Variants in BMP5 observed in about 807,000 individuals in gnomAD.
The protein encoded by BMP5 is bone morphogenetic protein 5.
BMP5 carries 23 observed loss-of-function variants against 46.6 expected under a neutral mutation model. That is an observed-to-expected ratio of 0.49 (90% CI 0.35 to 0.70). The LOEUF (loss-of-function observed/expected upper bound fraction) is 0.70, where lower values mean the gene tolerates loss of function less well. Ranked by LOEUF, BMP5 falls within the 30% of genes least tolerant of loss-of-function variation. BMP5 has a pLI of 0.00. For missense variants in BMP5, 545 were observed against 565.6 expected (o/e 0.96, Z 0.37); for synonymous variants, 204 against 191.9 (o/e 1.06, Z -0.52).
intron 1 of BMP5, among the ~76,000 whole-genome samples, chr6:55,871,080 TCTTAGAAATA>T (rs1273116956): frequency 1.3e-5 from 2 of 151,916 alleles, no homozygotes; most frequent in African/African-American, 2.4e-5. Flanking sequence ...AACTAAAAGA[TCTTAGAAATA>T]CACTACATGT....
At chr6:55,874,085 C>T (rs1777845209) in intron 1 of BMP5, among the ~76,000 whole-genome samples, 1 of 151,996 alleles carries the variant, frequency 6.6e-6, no homozygotes. Flanking sequence ...TCATAAATTT[C>T]CCTGTTTTTA....
In BMP5 at chr6:55,807,164, G is replaced by T. The variant is rs568631007; in HGVS notation, c.683+12491C>A. 1.9e-4 allele frequency among the ~76,000 whole-genome samples: 29 copies of T among 152,300 alleles called. No individual in the cohort carries two copies. The South Asian group carries it at 5.0e-3, about 26-fold the overall frequency. On this transcript the variant is annotated intron_variant, in intron 2 of 6. Coordinates refer to ENST00000370830, the MANE Select transcript of BMP5 (RefSeq NM_021073.4). ...TCTTGTGTCGGTTTTTAAAGGGAAT[G>T]CTTCCAGCTTTTGCCCATTCAGTAT...
At chr6:55,820,923 A>G (rs1340032811) in intron 1 of BMP5, among the ~76,000 whole-genome samples, 1 of 152,202 alleles carries the variant, frequency 6.6e-6, no homozygotes. Flanking sequence ...AATGCTGAAG[A>G]ATTTAGGACA....
At chr6:55,798,018 G>A (rs950543142) in intron 2 of BMP5, among the ~76,000 whole-genome samples, 1 of 152,074 alleles carries the variant, frequency 6.6e-6, no homozygotes, top group Non-Finnish European at 1.5e-5. Flanking sequence ...CAGCAGGGTC[G>A]GTTCTTTCTG....
At chr6:55,860,555 T>C (rs538844161) in intron 1 of BMP5, among the ~76,000 whole-genome samples, 5 of 152,256 alleles carry the variant, frequency 3.3e-5, no homozygotes, top group African/African-American at 9.6e-5. Context: ...AATTGGGCTA[T>C]TGGTAGATTG....
chr6:55,854,682 T>C (rs1255372761), intron 1 of BMP5, among the ~76,000 whole-genome samples: 1 of 152,112 alleles, frequency 6.6e-6, no homozygotes, highest in African/African-American at 2.4e-5. Flanking sequence ...TTCAGATTAG[T>C]TTCCTAATTT....
intron 2 of BMP5, among the ~76,000 whole-genome samples, chr6:55,807,104 A>G (rs1776009063): frequency 6.6e-6 from 1 of 152,098 alleles, no homozygotes; most frequent in Non-Finnish European, 1.5e-5. Flanking sequence ...TTCCAATACT[A>G]TGTTGAATAG....
chr6:55,808,879 G>A (rs992594446), intron 2 of BMP5, among the ~76,000 whole-genome samples: 1 of 152,082 alleles, frequency 6.6e-6, no homozygotes, highest in Non-Finnish European at 1.5e-5. Context: ...CTCAATGGGA[G>A]CCTCCTATCG....
At chr6:55,766,971 A>G (rs1774930364) in intron 4 of BMP5, among the ~76,000 whole-genome samples, 1 of 152,052 alleles carries the variant, frequency 6.6e-6, no homozygotes, top group Non-Finnish European at 1.5e-5. Context: ...CATGGCATAT[A>G]GTTATATAGC....
Position 55,866,882 on chromosome 6 carries a change from T to A in BMP5, c.490+7494A>T, listed in dbSNP as rs557661158. 5.9e-5 allele frequency among the ~76,000 whole-genome samples: 9 copies of A among 152,314 alleles called. No individual in the cohort carries two copies. In the Middle Eastern group the frequency reaches 0.01, roughly 173 times the overall value. On this transcript the variant is annotated intron_variant, in intron 1 of 6. Transcript: ENST00000370830. ...CTCCTGAAGTAATTATCTCTCACACTAAATTATTATTCTCTCTTGAATTTT... is the reference window on the plus strand; with the variant it reads ...CTCCTGAAGTAATTATCTCTCACACAAAATTATTATTCTCTCTTGAATTTT...
intron 2 of BMP5, among the ~76,000 whole-genome samples, chr6:55,818,261 T>A (rs1283997486): frequency 6.6e-6 from 1 of 151,460 alleles, no homozygotes; most frequent in African/African-American, 2.4e-5. Flanking sequence ...TTTTTTTTTT[T>A]AATCTTTTGG....
rs1775071456 is a variant in BMP5 at position 55,772,475 on chromosome 6, G to A, written c.1027+1574C>T. On this transcript the variant is annotated intron_variant, in intron 4 of 6. Coordinates refer to ENST00000370830, the MANE Select transcript of BMP5 (RefSeq NM_021073.4). ...TTTAGCAAAACTTTTTCTTAATACA[G>A]TCTGCTACATTAAATTAAAAACATT... 2.6e-5 allele frequency among the ~76,000 whole-genome samples: 4 copies of A among 151,864 alleles called. No homozygotes were observed. The East Asian group carries it at 7.8e-4, about 29-fold the overall frequency.
rs538145890 is a variant in BMP5, at chr6:55,863,824, T to C, written c.490+10552A>G. Reference sequence around the variant, plus strand: ...TACTTACCATGGTGTTACAATTTCCTACAGTTTTCAGTGCAGTAACATGCT... The same window carrying C: ...TACTTACCATGGTGTTACAATTTCCCACAGTTTTCAGTGCAGTAACATGCT... On this transcript the variant is annotated intron_variant, in intron 1 of 6. Transcript: ENST00000370830. 1.2e-4 allele frequency among the ~76,000 whole-genome samples: 18 copies of C among 152,290 alleles called. No homozygotes were observed. The East Asian group carries it at 3.5e-3, about 29-fold the overall frequency.
At chr6:55,808,136 C>A (rs1776036665) in intron 2 of BMP5, among the ~76,000 whole-genome samples, 1 of 152,188 alleles carries the variant, frequency 6.6e-6, no homozygotes, top group Non-Finnish European at 1.5e-5. Context: ...ACTAGGGGAT[C>A]AGGTCCAGGG....
intron 2 of BMP5, among the ~76,000 whole-genome samples, chr6:55,795,434 C>T (rs543366059): frequency 1.3e-5 from 2 of 152,062 alleles, no homozygotes; most frequent in East Asian, 3.9e-4. Flanking sequence ...TAGAGCTATT[C>T]ATTGTTTAAT....
intron 1 of BMP5, among the ~76,000 whole-genome samples, chr6:55,836,695 C>T (rs1228697884): frequency 6.6e-6 from 1 of 151,742 alleles, no homozygotes; most frequent in African/African-American, 2.4e-5. Context: ...CCCAGGTTAT[C>T]TTGTTTACCC....
chr6:55,866,768 T>C (rs1240122940), intron 1 of BMP5, among the ~76,000 whole-genome samples: 1 of 152,194 alleles, frequency 6.6e-6, no homozygotes, highest in African/African-American at 2.4e-5. Context: ...ATGGTTTTAA[T>C]ATATCACCTG....
intron 1 of BMP5, among the ~76,000 whole-genome samples, chr6:55,820,235 C>G (rs1776375694): frequency 2.0e-5 from 3 of 152,006 alleles, no homozygotes; most frequent in African/African-American, 7.3e-5. Context: ...ACTGGAGAGA[C>G]AGCACAGCCA....
At chr6:55,851,447 G>A (rs925591974) in intron 1 of BMP5, among the ~76,000 whole-genome samples, 14 of 152,088 alleles carry the variant, frequency 9.2e-5, no homozygotes, top group East Asian at 1.9e-4. Flanking sequence ...AGACTAGAGC[G>A]GTTGTCCAGA....
Sources: gnomAD v4.1 joint callset for allele counts (sites outside exome capture counted in the v4.1 genomes callset) on GRCh38, gnomAD v4.1.1 for gene constraint, MANE v1.5 for transcripts, NCBI Gene and HGNC (gene_info 2026-07-23, HGNC 2026-07-21) for gene names.